NCKAP5: variants seen among roughly 807,000 people sequenced by gnomAD.
NCKAP5 encodes the protein NCK associated protein 5, also known as nck-associated protein 5.
Under a neutral mutation model 167.0 loss-of-function variants are expected in NCKAP5, and 92 were observed. The observed-to-expected ratio is 0.55, with a 90% CI of 0.47 to 0.66. The LOEUF (loss-of-function observed/expected upper bound fraction) is 0.66. NCKAP5 is among the 30% of genes least tolerant of loss of function. NCKAP5 has a pLI of 0.00. For synonymous variants in NCKAP5, 891 were observed against 877.4 expected (o/e 1.02, Z -0.27); for missense variants, 2,378 against 2,315.0 (o/e 1.03, Z -0.56).
chr2:133,041,057 G>T (rs76582861), intron 6 of NCKAP5, among the ~76,000 whole-genome samples: 4,233 of 152,232 alleles, frequency 0.028, 166 homozygotes, highest in African/African-American at 0.094. Context: ...GAATAGTGAT[G>T]ATTTTGTAAA....
intron 13 of NCKAP5, among the ~76,000 whole-genome samples, chr2:132,787,335 G>A (rs907924020): frequency 2.2e-5 from 3 of 138,794 alleles, no homozygotes; most frequent in African/African-American, 8.4e-5. Flanking sequence ...GTGACAGAGC[G>A]AGACTCCGTT....
chr2:132,811,264 C>G (rs926908685), intron 11 of NCKAP5, among the ~76,000 whole-genome samples: 3 of 152,130 alleles, frequency 2.0e-5, no homozygotes, highest in Admixed American at 2.0e-4. Flanking sequence ...GGAGGTGGCG[C>G]TTTCCAGAAA....
At chr2:133,447,641 T>C (rs1691289078) in intron 3 of NCKAP5, among the ~76,000 whole-genome samples, 1 of 144,400 alleles carries the variant, frequency 6.9e-6, no homozygotes, top group Non-Finnish European at 1.5e-5. Flanking sequence ...CCCTTCCCCC[T>C]TCTCTTCTCT....
intron 4 of NCKAP5, among the ~76,000 whole-genome samples, chr2:133,289,777 A>C (rs529975841): frequency 6.6e-6 from 1 of 152,274 alleles, no homozygotes; most frequent in South Asian, 2.1e-4. Flanking sequence ...ACAGAAAAAA[A>C]CATTTTATTG....
chr2:133,107,705 C>T (rs1238781707), intron 6 of NCKAP5, among the ~76,000 whole-genome samples: 1 of 152,030 alleles, frequency 6.6e-6, no homozygotes, highest in Non-Finnish European at 1.5e-5. Context: ...ATATATAGTG[C>T]CTTGGACTTG....
intron 3 of NCKAP5, among the ~76,000 whole-genome samples, chr2:133,474,151 T>TCTATCTATCTAA (rs1679625118): frequency 7.6e-6 from 1 of 131,164 alleles, no homozygotes; most frequent in Admixed American, 7.0e-5. Flanking sequence ...TATCTATCTA[T>TCTATCTATCTAA]CTATACACAC....
chr2:133,264,936 G>A (rs1398665788), intron 4 of NCKAP5: 5 of 152,166 alleles, frequency 3.3e-5, no homozygotes, highest in African/African-American at 1.2e-4. Context: ...ATAGGCAAAA[G>A]CTACTCCTGC....
chr2:133,423,275 T>C (rs1216325781), intron 3 of NCKAP5, among the ~76,000 whole-genome samples: 4 of 152,196 alleles, frequency 2.6e-5, no homozygotes, highest in African/African-American at 9.7e-5. Flanking sequence ...TTCTTGGTTG[T>C]GGCTCAAGAC....
chr2:133,597,587 T>C, the NCKAP5 span, among the ~76,000 whole-genome samples: 1 of 138,074 alleles, frequency 7.2e-6, no homozygotes, highest in Non-Finnish European at 1.5e-5. Context: ...GAGAATGGCA[T>C]GAACCCAGGA....
At chr2:132,873,071 T>C (rs1417166154) in intron 9 of NCKAP5, among the ~76,000 whole-genome samples, 1 of 152,150 alleles carries the variant, frequency 6.6e-6, no homozygotes, top group Non-Finnish European at 1.5e-5. Context: ...ATATAATGCA[T>C]GTTCAGGTAA....
At chr2:132,787,479 A>G (rs1010581707) in intron 13 of NCKAP5, among the ~76,000 whole-genome samples, 1 of 152,166 alleles carries the variant, frequency 6.6e-6, no homozygotes, top group African/African-American at 2.4e-5. Flanking sequence ...GCTTATGTGC[A>G]GTGGTTGAAA....
intron 3 of NCKAP5, among the ~76,000 whole-genome samples, chr2:133,428,054 T>G (rs944743310): frequency 5.9e-5 from 9 of 152,240 alleles, no homozygotes; most frequent in African/African-American, 2.2e-4. Context: ...AGTGATATAA[T>G]TCTAATAAGA....
intron 13 of NCKAP5, among the ~76,000 whole-genome samples, chr2:132,786,970 T>C (rs370522143): frequency 1.4e-4 from 22 of 152,148 alleles, no homozygotes; most frequent in East Asian, 9.6e-4. Context: ...CCTTAGTCAG[T>C]GTCATAATAG....
intron 5 of NCKAP5, among the ~76,000 whole-genome samples, chr2:133,140,116 G>T (rs2082942690): frequency 6.6e-6 from 1 of 152,126 alleles, no homozygotes; most frequent in African/African-American, 2.4e-5. Flanking sequence ...CATGTTAATT[G>T]ATCACAATTA....
chr2:132,769,185 C>T lies in NCKAP5; in HGVS notation c.5128+4631G>A, dbSNP rs191602898. Among the ~76,000 whole-genome samples the T allele has an allele frequency of 2.0e-5, 3 of 149,336 alleles. No individual in the cohort carries two copies. In the East Asian group the frequency reaches 6.1e-4, roughly 30 times the overall value. Reference sequence around the variant, plus strand: ...CTGGTCTTGAACTCCTGGGTTCAAGCAATTCTGCTGCCTCAGCCTCCCAAA... The same window carrying T: ...CTGGTCTTGAACTCCTGGGTTCAAGTAATTCTGCTGCCTCAGCCTCCCAAA... On this transcript the variant is annotated intron_variant, in intron 16 of 19. Coordinates refer to ENST00000409261, the MANE Select transcript of NCKAP5 (RefSeq NM_207363.3).
chr2:133,593,756 G>A, the NCKAP5 span, among the ~76,000 whole-genome samples: 1 of 152,206 alleles, frequency 6.6e-6, no homozygotes. Context: ...TGTGATTATG[G>A]AGAATTCTTC....
the NCKAP5 span, among the ~76,000 whole-genome samples, chr2:133,597,705 A>T: frequency 1.0e-4 from 15 of 149,608 alleles, no homozygotes; most frequent in African/African-American, 3.4e-4. Context: ...AAAAGAAGAG[A>T]AAAAAAAGGG....
At chr2:133,208,985 CG>C (rs968519763) in intron 5 of NCKAP5, among the ~76,000 whole-genome samples, 1 of 151,878 alleles carries the variant, frequency 6.6e-6, no homozygotes. Context: ...TAAATGATGT[CG>C]AAAAATTAGC....
At chr2:133,471,017 C>T (rs186009694) in intron 3 of NCKAP5, among the ~76,000 whole-genome samples, 89 of 152,344 alleles carry the variant, frequency 5.8e-4, no homozygotes, top group Non-Finnish European at 9.7e-4. Flanking sequence ...TGTTCCTATT[C>T]GGCCATCTTG....
Sources: allele counts gnomAD v4.1 joint callset (sites outside exome capture counted in the v4.1 genomes callset), GRCh38; gene constraint gnomAD v4.1.1; transcripts MANE v1.5; gene names NCBI Gene and HGNC (gene_info 2026-07-23, HGNC 2026-07-21).